Variants in SLC2A13 observed in about 807,000 individuals in gnomAD.
The protein encoded by SLC2A13 is proton myo-inositol cotransporter.
Under a neutral mutation model 64.4 loss-of-function variants are expected in SLC2A13, and 32 were observed. That is an observed-to-expected ratio of 0.50 (90% CI 0.37 to 0.67). The LOEUF is 0.67. SLC2A13 is among the 30% of genes least tolerant of loss of function. The probability of loss-of-function intolerance (pLI) is 0.00; values close to 1 mark genes in which losing one functional copy is unlikely to be tolerated. For missense variants in SLC2A13, 743 were observed against 829.2 expected, an observed-to-expected ratio of 0.90 and a Z score of 1.28; for synonymous variants, 338 against 327.1, an observed-to-expected ratio of 1.03 and a Z score of -0.36.
intron 1 of SLC2A13, among the ~76,000 whole-genome samples, chr12:40,064,713 A>G (rs1565611381): frequency 6.6e-6 from 1 of 152,194 alleles, no homozygotes; most frequent in East Asian, 1.9e-4. Flanking sequence ...TACTGTTTCC[A>G]TCAAGGATGC....
chr12:39,916,423 T>C (rs1360792502), intron 4 of SLC2A13, among the ~76,000 whole-genome samples: 2 of 152,058 alleles, frequency 1.3e-5, no homozygotes, highest in Non-Finnish European at 2.9e-5. Context: ...AAAACTAATT[T>C]CCTTCTACTG....
At chr12:39,885,192 A>G (rs1458673057) in intron 4 of SLC2A13, among the ~76,000 whole-genome samples, 3 of 152,226 alleles carry the variant, frequency 2.0e-5, no homozygotes, top group Non-Finnish European at 4.4e-5. Context: ...CTGGAGGAAC[A>G]GGAGCTAGGA....
intron 3 of SLC2A13, among the ~76,000 whole-genome samples, chr12:39,989,167 C>G (rs1947087844): frequency 1.3e-5 from 2 of 152,134 alleles, no homozygotes; most frequent in Admixed American, 1.3e-4. Flanking sequence ...GTCTTCTGCC[C>G]TTACCCCCTG....
At chr12:39,992,768 T>C (rs2136169127) in intron 3 of SLC2A13, among the ~76,000 whole-genome samples, 1 of 152,244 alleles carries the variant, frequency 6.6e-6, no homozygotes, top group Admixed American at 6.5e-5. Context: ...GACAGAAAGA[T>C]TAAATGGCAA....
At chr12:40,093,928 A>T (rs1480989383) in intron 1 of SLC2A13, among the ~76,000 whole-genome samples, 1 of 152,166 alleles carries the variant, frequency 6.6e-6, no homozygotes, top group African/African-American at 2.4e-5. Context: ...TATATTTTAA[A>T]TGAATCATTC....
chr12:39,812,378 TTTTC>T lies in SLC2A13; in HGVS notation c.1445+17721_1445+17724del, dbSNP rs1203238205. ...TTTTCTTTTCTTTTCTTTTCTTTTC[TTTTC>T]TTTCTTTCTCTCTCTCTTTCTTCCT... is the stretch of plus-strand genomic sequence containing the variant. On this transcript the variant is annotated intron_variant, in intron 7 of 9. Transcript: ENST00000280871. Among the ~76,000 whole-genome samples, 21 of 122,996 alleles carry T rather than the reference TTTTC, an allele frequency of 1.7e-4. No individual in the cohort carries two copies. In the East Asian group the frequency reaches 1.7e-3, roughly 10 times the overall value. 80.7% of individuals were successfully genotyped at this position (122,996 alleles called of 152,430 possible).
At chr12:39,893,396 T>A (rs1592249446) in intron 4 of SLC2A13, among the ~76,000 whole-genome samples, 1 of 152,244 alleles carries the variant, frequency 6.6e-6, no homozygotes, top group East Asian at 1.9e-4. Context: ...GCCTCCCAGG[T>A]TCAAGCAATT....
intron 2 of SLC2A13, among the ~76,000 whole-genome samples, chr12:40,037,282 T>G (rs1473787351): frequency 1.3e-5 from 2 of 152,142 alleles, no homozygotes; most frequent in East Asian, 3.9e-4. Context: ...TTCTTAAAGT[T>G]TTTGTTTAAG....
At chr12:39,833,837 A>G (rs915123294) in intron 6 of SLC2A13, among the ~76,000 whole-genome samples, 30 of 149,142 alleles carry the variant, frequency 2.0e-4, no homozygotes, top group African/African-American at 7.0e-4. Context: ...ATAATATGGC[A>G]CCTTGGAGCT....
chr12:39,889,766 G>A (rs1352390874), intron 4 of SLC2A13, among the ~76,000 whole-genome samples: 2 of 151,992 alleles, frequency 1.3e-5, no homozygotes, highest in East Asian at 1.9e-4. Flanking sequence ...TCTTGACCTC[G>A]TGATCTGCCC....
intron 3 of SLC2A13, among the ~76,000 whole-genome samples, chr12:40,018,627 G>T (rs1227999953): frequency 6.6e-6 from 1 of 152,182 alleles, no homozygotes; most frequent in Non-Finnish European, 1.5e-5. Flanking sequence ...TGCTAATGGA[G>T]ACTAATATCA....
chr12:39,929,899 G>A (rs2136070008), intron 4 of SLC2A13, among the ~76,000 whole-genome samples: 1 of 152,238 alleles, frequency 6.6e-6, no homozygotes, highest in East Asian at 1.9e-4. Flanking sequence ...GGGATGCTGA[G>A]GAGGACGGAT....
At chr12:39,827,376 T>A (rs4768188) in intron 7 of SLC2A13, among the ~76,000 whole-genome samples, 104,400 of 151,944 alleles carry the variant, frequency 0.69, 36,359 homozygotes, top group African/African-American at 0.79. Context: ...TCTAGCCAGA[T>A]TTTTTCTTGT....
intron 1 of SLC2A13, among the ~76,000 whole-genome samples, chr12:40,067,956 C>T (rs1015247335): frequency 6.6e-6 from 1 of 152,066 alleles, no homozygotes; most frequent in African/African-American, 2.4e-5. Flanking sequence ...GAGGCTGGTG[C>T]ACACTGATGC....
At chr12:39,820,595 G>A (rs548893209) in intron 7 of SLC2A13, among the ~76,000 whole-genome samples, 6 of 151,950 alleles carry the variant, frequency 3.9e-5, no homozygotes, top group Admixed American at 2.0e-4. Flanking sequence ...GATTTGAATG[G>A]TCAAATTTTA....
Position 39,764,628 on chromosome 12 carries a change from T to C in SLC2A13, c.1568-16A>G. On this transcript the variant is annotated splice_polypyrimidine_tract_variant and intron_variant, in intron 8 of 9. Transcript: ENST00000280871. Reference sequence around the variant, plus strand: ...GGTCCCATTCCTGAGAAATAAAACATTAAAAACTTTAGTAAAATAGCATGT... The same window carrying C: ...GGTCCCATTCCTGAGAAATAAAACACTAAAAACTTTAGTAAAATAGCATGT... 1 of 1,581,132 alleles carries C rather than the reference T, an allele frequency of 6.3e-7. No homozygotes were observed. The highest frequency in any genetic ancestry group is 8.6e-7 in the Non-Finnish European group (1 of 1,169,402).
intron 4 of SLC2A13, chr12:39,908,416 A>T (rs193195495): frequency 4.5e-4 from 68 of 152,008 alleles, no homozygotes; most frequent in African/African-American, 1.6e-3. Flanking sequence ...ACAACTACAG[A>T]GTTAGGAGCT....
At chr12:40,013,354 T>C (rs1565589973) in intron 3 of SLC2A13, among the ~76,000 whole-genome samples, 1 of 152,374 alleles carries the variant, frequency 6.6e-6, no homozygotes, top group Non-Finnish European at 1.5e-5. Context: ...GAGCTTATAA[T>C]GTGCCAGGCA....
intron 6 of SLC2A13, among the ~76,000 whole-genome samples, chr12:39,861,925 A>G (rs1943772466): frequency 6.6e-6 from 1 of 152,226 alleles, no homozygotes; most frequent in Non-Finnish European, 1.5e-5. Context: ...CAGGTCTGTT[A>G]CATAGGTAAA....
Sources: allele counts gnomAD v4.1 joint callset (sites outside exome capture counted in the v4.1 genomes callset), GRCh38; gene constraint gnomAD v4.1.1; transcripts MANE v1.5; gene names NCBI Gene and HGNC (gene_info 2026-07-23, HGNC 2026-07-21).